Variants in COL11A1 observed in about 807,000 individuals in gnomAD.
The protein encoded by COL11A1 is collagen type XI alpha 1 chain.
Under a neutral mutation model 265.2 loss-of-function variants are expected in COL11A1, and 74 were observed. That is an observed-to-expected ratio of 0.28 (90% CI 0.23 to 0.34). The LOEUF is 0.34. COL11A1 is among the 10% of genes least tolerant of loss of function. The pLI, the probability that COL11A1 is intolerant of heterozygous loss-of-function variation, is 1.00. For missense variants in COL11A1, 2,165 were observed against 2,263.6 expected (o/e 0.96, Z 0.88); for synonymous variants, 816 against 727.6 (o/e 1.12, Z -1.96).
At chr1:103,058,948 A>G (rs1014127537) in intron 4 of COL11A1, among the ~76,000 whole-genome samples, 22 of 152,122 alleles carry the variant, frequency 1.4e-4, no homozygotes, top group Non-Finnish European at 3.2e-4. Flanking sequence ...GGTCTCATAA[A>G]CCATACTTAT....
chr1:102,979,232 C>T, intron 32 of COL11A1, 128 bp from the exon 33 acceptor site: 1 of 1,244,092 alleles, frequency 8.0e-7, no homozygotes, highest in Admixed American at 1.9e-5. Flanking sequence ...TAGAGACAGA[C>T]TTGCTATGCT....
intron 15 of COL11A1, among the ~76,000 whole-genome samples, chr1:103,007,061 T>C (rs1665694178): frequency 6.6e-6 from 1 of 152,110 alleles, no homozygotes. Flanking sequence ...TGTTGGATTG[T>C]AATGGTCTTT....
In COL11A1 at chr1:103,025,629, G is replaced by A. The variant is rs2101961895; in HGVS notation, c.898-16C>T. Reference sequence around the variant, plus strand: ...CGATGTTTGCCTAATGGTAAATTCAGAAGAGAATTAGTAAACATGTAAGGT... The same window carrying A: ...CGATGTTTGCCTAATGGTAAATTCAAAAGAGAATTAGTAAACATGTAAGGT... On this transcript the variant is annotated splice_polypyrimidine_tract_variant and intron_variant, in intron 6 of 66. Coordinates refer to ENST00000370096, the MANE Select transcript of COL11A1 (RefSeq NM_001854.4). 6.2e-7 allele frequency: 1 copy of A among 1,607,120 alleles called. No homozygotes were observed. Among genetic ancestry groups the A allele is most frequent in the East Asian group, 2.2e-5 (1 of 44,748 alleles).
intron 1 of COL11A1, among the ~76,000 whole-genome samples, chr1:103,098,196 A>C (rs1164517710): frequency 6.6e-6 from 1 of 151,962 alleles, no homozygotes; most frequent in Admixed American, 6.6e-5. Flanking sequence ...GATTAAAAGA[A>C]AGCATTTTCT....
At chr1:103,040,189 C>T (rs1393630172) in intron 4 of COL11A1, among the ~76,000 whole-genome samples, 1 of 151,694 alleles carries the variant, frequency 6.6e-6, no homozygotes, top group Non-Finnish European at 1.5e-5. Flanking sequence ...AATCCTACTT[C>T]ATGTCGACAA....
intron 4 of COL11A1, among the ~76,000 whole-genome samples, chr1:103,050,594 C>A (rs1435533842): frequency 6.6e-6 from 1 of 152,176 alleles, no homozygotes; most frequent in Non-Finnish European, 1.5e-5. Context: ...GCCTTCTTCT[C>A]TCAACTCGTC....
rs555646939 is a variant in COL11A1, at chr1:103,107,655, C to G, written c.106+418G>C. Among the ~76,000 whole-genome samples, 9 of 152,216 alleles carry G rather than the reference C, an allele frequency of 5.9e-5. 1 individual carries two copies. In the South Asian group the frequency reaches 1.9e-3, roughly 32 times the overall value. Reference sequence around the variant, plus strand: ...CTTTATATTTTCTCCTCAGCTCACCCTTAAAAAGATATTCCCATTAGTTAG... The same window carrying G: ...CTTTATATTTTCTCCTCAGCTCACCGTTAAAAAGATATTCCCATTAGTTAG... On this transcript the variant is annotated intron_variant, in intron 1 of 66. Coordinates refer to ENST00000370096, the MANE Select transcript of COL11A1 (RefSeq NM_001854.4).
Position 102,898,924 on chromosome 1 carries a change from T to C in COL11A1, c.4140+17A>G. ...TAATATATAATATATATTATGTATA[T>C]ATTATTTTTTTTTTACCTTAGCACC... is the stretch of plus-strand genomic sequence containing the variant. On this transcript the variant is annotated intron_variant, in intron 55 of 66. Coordinates refer to ENST00000370096, the MANE Select transcript of COL11A1 (RefSeq NM_001854.4). The C allele has an allele frequency of 1.5e-6, 2 of 1,300,074 alleles. No homozygotes were observed. Among genetic ancestry groups the C allele is most frequent in the Middle Eastern group, 2.5e-4 (1 of 4,034 alleles). The allele number at this position is 1,300,074 out of a possible 1,614,324, so 80.5% of individuals were successfully genotyped here.
At chr1:102,970,156 T>C (rs1053700177) in intron 37 of COL11A1, 63 bp downstream of exon 37, 134 of 1,308,488 alleles carry the variant, frequency 1.0e-4, no homozygotes, top group Non-Finnish European at 2.3e-5. Context: ...AGTAGCTTTC[T>C]ATGTATGAAC....
Position 102,889,509 on chromosome 1 carries a change from T to G in COL11A1, c.4410A>C (p.Lys1470Asn), listed in dbSNP as rs1453166184. ...GAGTTCCAGGGAGCCCTCGGTCACC[T>G]TTTTCCCCTTGTTCTCCTGGAGGAC... ...LIGPPGEQGEKGDRGLPGTQG... is the reference protein window; with the variant it reads ...LIGPPGEQGENGDRGLPGTQG... Residue 1470 changes from lysine to asparagine, a missense_variant, in exon 59 of 67, where the codon AAA becomes AAC. Physicochemically the swap from Lys to Asn is moderately conservative, Grantham distance 94. Transcript: ENST00000370096. 1 of 1,612,224 alleles carries G rather than the reference T, an allele frequency of 6.2e-7. No homozygotes were observed. The highest frequency in any genetic ancestry group is 8.5e-7 in the Non-Finnish European group (1 of 1,178,642).
intron 57 of COL11A1, among the ~76,000 whole-genome samples, chr1:102,892,506 T>C (rs1651895981): frequency 6.6e-6 from 1 of 152,160 alleles, no homozygotes; most frequent in African/African-American, 2.4e-5. Flanking sequence ...AACTCTCTTC[T>C]TAGCTACTTA....
At chr1:103,018,920 A>T in intron 9 of COL11A1, 61 bp from the exon 10 acceptor site, 1 of 1,308,908 alleles carries the variant, frequency 7.6e-7, no homozygotes, top group African/African-American at 1.5e-5. Flanking sequence ...TCTTAATTAC[A>T]TGAATATAAG....
intron 54 of COL11A1, among the ~76,000 whole-genome samples, chr1:102,909,814 C>A (rs1408936453): frequency 1.3e-5 from 2 of 151,878 alleles, no homozygotes; most frequent in Non-Finnish European, 2.9e-5. Flanking sequence ...GAGGGGAGGT[C>A]TTCCTAGGAG....
chr1:102,997,969 G>A (rs1664782855), intron 25 of COL11A1, among the ~76,000 whole-genome samples: 1 of 151,820 alleles, frequency 6.6e-6, no homozygotes, highest in Non-Finnish European at 1.5e-5. Context: ...AACAGCTTGG[G>A]AAAGGTAAGG....
chr1:102,988,011 G>T (rs979140640), intron 29 of COL11A1, among the ~76,000 whole-genome samples: 1 of 152,110 alleles, frequency 6.6e-6, no homozygotes, highest in Non-Finnish European at 1.5e-5. Context: ...TGAGAGGGGT[G>T]TGAATTCCAC....
intron 64 of COL11A1, among the ~76,000 whole-genome samples, chr1:102,882,240 C>G (rs1650342810): frequency 6.6e-6 from 1 of 152,122 alleles, no homozygotes; most frequent in Non-Finnish European, 1.5e-5. Flanking sequence ...TGAATTACTC[C>G]CTGCTGGTTA....
At chr1:102,908,030 A>G (rs1217611499) in intron 54 of COL11A1, among the ~76,000 whole-genome samples, 2 of 152,130 alleles carry the variant, frequency 1.3e-5, no homozygotes, top group African/African-American at 4.8e-5. Context: ...AGCCATGCAT[A>G]ATAATCTTCA....
At chr1:103,009,473 T>C (rs1665925311) in intron 14 of COL11A1, among the ~76,000 whole-genome samples, 1 of 152,122 alleles carries the variant, frequency 6.6e-6, no homozygotes, top group African/African-American at 2.4e-5. Context: ...ACCTGGCATG[T>C]GTACTAAAAT....
At chr1:103,065,322 C>T (rs1671020838) in intron 4 of COL11A1, among the ~76,000 whole-genome samples, 1 of 151,940 alleles carries the variant, frequency 6.6e-6, no homozygotes, top group Non-Finnish European at 1.5e-5. Context: ...AGACCAAGAC[C>T]ATCCCGGCTA....
Sources: allele counts gnomAD v4.1 joint callset (sites outside exome capture counted in the v4.1 genomes callset), GRCh38; gene constraint gnomAD v4.1.1; transcripts MANE v1.5; gene names NCBI Gene and HGNC (gene_info 2026-07-23, HGNC 2026-07-21).